FUT8: variants seen among roughly 807,000 people sequenced by gnomAD.
FUT8 encodes the protein fucosyltransferase 8, also known as alpha-(1,6)-fucosyltransferase.
FUT8 carries 29 observed loss-of-function variants against 71.3 expected under a neutral mutation model. The ratio of observed to expected loss-of-function variants is 0.41; its 90% CI spans 0.30 to 0.55. The LOEUF (loss-of-function observed/expected upper bound fraction) is 0.55, where lower values mean the gene tolerates loss of function less well. Ranked by LOEUF, FUT8 falls within the 20% of genes least tolerant of loss-of-function variation. The pLI is 0.34. For synonymous variants in FUT8, 254 were observed against 239.3 expected (o/e 1.06, Z -0.57); for missense variants, 544 against 702.1 (o/e 0.77, Z 2.55).
chr14:65,525,108 C>A (rs1294057939), intron 2 of FUT8, among the ~76,000 whole-genome samples: 1 of 152,120 alleles, frequency 6.6e-6, no homozygotes, highest in Non-Finnish European at 1.5e-5. Context: ...TCCTCTTTTT[C>A]TATTGATGGG....
the FUT8 span, among the ~76,000 whole-genome samples, chr14:65,380,338 C>T: frequency 6.6e-6 from 1 of 152,164 alleles, no homozygotes; most frequent in Non-Finnish European, 1.5e-5. Context: ...GGGTCCCTCC[C>T]ACAACACATG....
intron 2 of FUT8, among the ~76,000 whole-genome samples, chr14:65,527,942 G>A (rs1379109821): frequency 6.6e-6 from 1 of 152,192 alleles, no homozygotes; most frequent in African/African-American, 2.4e-5. Flanking sequence ...GGCCATGTGA[G>A]GTGTCAGTCT....
chr14:65,484,911 A>G (rs533741788), intron 2 of FUT8, among the ~76,000 whole-genome samples: 34 of 151,662 alleles, frequency 2.2e-4, no homozygotes, highest in African/African-American at 7.7e-4. Flanking sequence ...TTTTTCTTCT[A>G]CGGTGTCTAA....
intron 3 of FUT8, among the ~76,000 whole-genome samples, chr14:65,582,813 T>C (rs1240986579): frequency 6.6e-6 from 1 of 152,192 alleles, no homozygotes; most frequent in Non-Finnish European, 1.5e-5. Flanking sequence ...GCTCATTGAA[T>C]GAATGAATGA....
the FUT8 span, among the ~76,000 whole-genome samples, chr14:65,386,746 A>G: frequency 1.4e-5 from 2 of 146,434 alleles, no homozygotes; most frequent in Admixed American, 6.8e-5. Flanking sequence ...CTGATTCTTT[A>G]TATGCCTGGT....
chr14:65,650,312 A>C (rs868467274), intron 6 of FUT8, among the ~76,000 whole-genome samples: 4 of 147,662 alleles, frequency 2.7e-5, no homozygotes, highest in African/African-American at 7.6e-5. Context: ...AAAAAAAAAA[A>C]AAAAAAAAAA....
At chr14:65,495,699 A>C (rs1007858907) in intron 2 of FUT8, among the ~76,000 whole-genome samples, 1 of 152,182 alleles carries the variant, frequency 6.6e-6, no homozygotes, top group Non-Finnish European at 1.5e-5. Flanking sequence ...AATAAAACAC[A>C]CTTATCATTT....
intron 3 of FUT8, among the ~76,000 whole-genome samples, chr14:65,569,226 GCTTAAAT>G (rs1290756435): frequency 2.0e-5 from 3 of 151,572 alleles, no homozygotes; most frequent in South Asian, 2.1e-4. Flanking sequence ...TCACTGAGCT[GCTTAAAT>G]CTGGGAGTTG....
chr14:65,417,413 A>G (rs2139367185), intron 1 of FUT8, among the ~76,000 whole-genome samples: 1 of 152,326 alleles, frequency 6.6e-6, no homozygotes, highest in Non-Finnish European at 1.5e-5. Flanking sequence ...CCACCAGGCA[A>G]AGGTTTTTCT....
At chr14:65,547,701 A>G (rs1307006937) in intron 2 of FUT8, among the ~76,000 whole-genome samples, 2 of 151,666 alleles carry the variant, frequency 1.3e-5, no homozygotes, top group African/African-American at 2.4e-5. Context: ...AAATATACTT[A>G]TTTTGCATTT....
At chr14:65,522,595 T>A (rs1457624232) in intron 2 of FUT8, among the ~76,000 whole-genome samples, 1 of 152,180 alleles carries the variant, frequency 6.6e-6, no homozygotes, top group Non-Finnish European at 1.5e-5. Flanking sequence ...AATTATACTT[T>A]AAGTTCCAGG....
rs1205988854 is a variant in FUT8, at chr14:65,669,750, GAT to G, written c.835+273_835+274del. ...CATAATTTAATCTTTTAATAATAAT[GAT>G]ATGACTTTCACTCTATAAGATGATT... On this transcript the variant is annotated intron_variant, in intron 7 of 10. Transcript: ENST00000673929. This position sits in a 1 kb window ranked among gnomAD's most constrained non-coding sequence, Gnocchi z 4.5. 6.6e-6 allele frequency among the ~76,000 whole-genome samples: 1 copy of G among 151,924 alleles called. No homozygotes were observed. Among genetic ancestry groups the G allele is most frequent in the African/African-American group, 2.4e-5 (1 of 41,384 alleles).
chr14:65,574,438 G>T lies in FUT8; in HGVS notation c.203+12672G>T, dbSNP rs1886649344. 1.3e-5 allele frequency among the ~76,000 whole-genome samples: 2 copies of T among 152,088 alleles called. No homozygotes were observed. Among genetic ancestry groups the T allele is most frequent in the Admixed American group, 1.3e-4 (2 of 15,264 alleles). On this transcript the variant is annotated intron_variant, in intron 3 of 10. Coordinates refer to ENST00000673929, the MANE Select transcript of FUT8 (RefSeq NM_001371533.1). This position sits in a 1 kb window ranked among gnomAD's most constrained non-coding sequence, Gnocchi z 5.2. Reference sequence around the variant, plus strand: ...AGTCAACCACCACAGCAGGGATCATGTGTTTTTAACATGTTTTATTGTGCT... The same window carrying T: ...AGTCAACCACCACAGCAGGGATCATTTGTTTTTAACATGTTTTATTGTGCT...
chr14:65,436,754 A>C (rs2065567820), intron 1 of FUT8, among the ~76,000 whole-genome samples: 1 of 152,198 alleles, frequency 6.6e-6, no homozygotes, highest in Admixed American at 6.5e-5. Flanking sequence ...CATTCACATA[A>C]AATTTTTTTT....
the FUT8 span, among the ~76,000 whole-genome samples, chr14:65,357,968 A>G: frequency 3.3e-5 from 5 of 152,178 alleles, no homozygotes; most frequent in South Asian, 2.1e-4. Context: ...ATTTCCACAC[A>G]TATGTGAAAT....
At chr14:65,734,119 A>G (rs905395319) in intron 10 of FUT8, among the ~76,000 whole-genome samples, 4 of 152,210 alleles carry the variant, frequency 2.6e-5, no homozygotes, top group Non-Finnish European at 5.9e-5. Context: ...TACTAGGTGC[A>G]GAGGAGATTT....
chr14:65,580,236 G>A (rs376523099), intron 3 of FUT8, among the ~76,000 whole-genome samples: 1 of 151,266 alleles, frequency 6.6e-6, no homozygotes, highest in Non-Finnish European at 1.5e-5. Flanking sequence ...TATGATATAG[G>A]CTATTGCTCC....
At chr14:65,728,147 C>T (rs1406365838) in intron 9 of FUT8, among the ~76,000 whole-genome samples, 1 of 152,224 alleles carries the variant, frequency 6.6e-6, no homozygotes, top group Non-Finnish European at 1.5e-5. Flanking sequence ...CTTCTGAGCC[C>T]TCCAAACTGT....
At position 65,660,341 on chromosome 14, in the gene FUT8, A is replaced by C. The variant is rs905530978; in HGVS notation, c.598-8902A>C. ...ATTTCCATCTTTTAAAAATGACTTT[A>C]AAGCATTTAATAGAGACTTTCAGGT... is the stretch of plus-strand genomic sequence containing the variant. On this transcript the variant is annotated intron_variant, in intron 6 of 10. Transcript: ENST00000673929. This position sits in a 1 kb window ranked among gnomAD's most constrained non-coding sequence, Gnocchi z 4.1. 1.3e-5 allele frequency among the ~76,000 whole-genome samples: 2 copies of C among 152,208 alleles called. No homozygotes were observed. Among genetic ancestry groups the C allele is most frequent in the Non-Finnish European group, 2.9e-5 (2 of 68,038 alleles).
Sources: gnomAD v4.1 joint callset for allele counts (sites outside exome capture counted in the v4.1 genomes callset) on GRCh38, gnomAD v4.1.1 for gene constraint, Gnocchi (gnomAD v3.1) non-coding constraint, MANE v1.5 for transcripts, NCBI Gene and HGNC (gene_info 2026-07-23, HGNC 2026-07-21) for gene names.